LRRTM3: variants seen among roughly 807,000 people sequenced by gnomAD.
The protein encoded by LRRTM3 is leucine-rich repeat transmembrane neuronal protein 3.
A neutral mutation model predicts 44.7 loss-of-function variants in LRRTM3; 24 were observed. The ratio of observed to expected loss-of-function variants is 0.54; its 90% CI spans 0.39 to 0.76. The LOEUF (loss-of-function observed/expected upper bound fraction) is 0.76, where lower values mean the gene tolerates loss of function less well. Among genes scored for constraint, LRRTM3 ranks in the 30% least tolerant of loss-of-function variants. The pLI is 0.00. For synonymous variants in LRRTM3, 277 were observed against 278.7 expected (o/e 0.99, Z 0.06); for missense variants, 587 against 702.2 (o/e 0.84, Z 1.85).
At chr10:66,961,309 G>A (rs987952820) in intron 2 of LRRTM3, among the ~76,000 whole-genome samples, 1 of 151,988 alleles carries the variant, frequency 6.6e-6, no homozygotes, top group Non-Finnish European at 1.5e-5. Context: ...TACCAAAACT[G>A]CTCCCCTTAA....
At chr10:66,949,105 C>T (rs1188967205) in intron 2 of LRRTM3, among the ~76,000 whole-genome samples, 2 of 152,098 alleles carry the variant, frequency 1.3e-5, no homozygotes, top group African/African-American at 4.8e-5. Flanking sequence ...TGATAACATT[C>T]CTAAAGTATT....
intron 2 of LRRTM3, among the ~76,000 whole-genome samples, chr10:67,000,357 T>C (rs1166773767): frequency 1.3e-5 from 2 of 152,182 alleles, no homozygotes; most frequent in Admixed American, 6.5e-5. Flanking sequence ...AGACAGCTGA[T>C]GACGAAAGTT....
chr10:67,033,458 AG>A (rs1853856473), intron 2 of LRRTM3, among the ~76,000 whole-genome samples: 2 of 152,350 alleles, frequency 1.3e-5, no homozygotes, highest in African/African-American at 4.8e-5. Flanking sequence ...ATACTTGGTC[AG>A]AAAAAATTCA....
chr10:67,021,975 G>A (rs1203384877), intron 2 of LRRTM3, among the ~76,000 whole-genome samples: 2 of 152,156 alleles, frequency 1.3e-5, no homozygotes, highest in East Asian at 3.8e-4. Context: ...ATTCATGCCA[G>A]TTAAAGCAAA....
intron 2 of LRRTM3, among the ~76,000 whole-genome samples, chr10:67,016,343 T>A (rs575203197): frequency 6.6e-6 from 1 of 152,330 alleles, no homozygotes; most frequent in Admixed American, 6.5e-5. Flanking sequence ...TTTATTTTCT[T>A]AACATTGAAA....
chr10:66,943,337 T>A (rs767707620), intron 2 of LRRTM3, among the ~76,000 whole-genome samples: 53 of 151,976 alleles, frequency 3.5e-4, no homozygotes, highest in Non-Finnish European at 6.0e-4. Context: ...CTTATTAGAT[T>A]TTTTTTTACA....
At chr10:66,975,707 A>G (rs1349053694) in intron 2 of LRRTM3, among the ~76,000 whole-genome samples, 1 of 152,162 alleles carries the variant, frequency 6.6e-6, no homozygotes, top group Non-Finnish European at 1.5e-5. Context: ...CATCAAGCTA[A>G]GTTCGTCCTA....
chr10:67,007,881 G>A (rs1187783932), intron 2 of LRRTM3, among the ~76,000 whole-genome samples: 2 of 151,814 alleles, frequency 1.3e-5, no homozygotes, highest in Non-Finnish European at 2.9e-5. Flanking sequence ...ATATACAAAG[G>A]AAGCTACAGA....
At chr10:67,042,446 A>C (rs568169105) in intron 2 of LRRTM3, among the ~76,000 whole-genome samples, 1 of 152,304 alleles carries the variant, frequency 6.6e-6, no homozygotes, top group South Asian at 2.1e-4. Flanking sequence ...TGAGTTTTCC[A>C]TGTCTTCTAA....
intron 2 of LRRTM3, among the ~76,000 whole-genome samples, chr10:67,007,904 A>T (rs1386748996): frequency 6.6e-6 from 1 of 152,128 alleles, no homozygotes; most frequent in East Asian, 1.9e-4. Context: ...AAGAAAGGCC[A>T]ACAGGTAATG....
chr10:66,967,731 CATAAAG>C (rs961538285), intron 2 of LRRTM3, among the ~76,000 whole-genome samples: 13 of 151,974 alleles, frequency 8.6e-5, no homozygotes, highest in African/African-American at 2.9e-4. Flanking sequence ...AGGTGTGAAA[CATAAAG>C]ATAAGAGTGC....
chr10:67,061,956 A>G (rs949849219), intron 2 of LRRTM3, among the ~76,000 whole-genome samples: 2 of 111,636 alleles, frequency 1.8e-5, no homozygotes, highest in African/African-American at 3.6e-5. Flanking sequence ...ACTGTAAAAA[A>G]AATCAATCTT....
At chr10:67,072,150 TG>T (rs765012975) in intron 2 of LRRTM3, among the ~76,000 whole-genome samples, 6 of 152,082 alleles carry the variant, frequency 3.9e-5, no homozygotes, top group Non-Finnish European at 8.8e-5. Flanking sequence ...GATGGCTTTT[TG>T]CTATGTTGGT....
intron 2 of LRRTM3, among the ~76,000 whole-genome samples, chr10:66,979,815 G>T (rs781463854): frequency 3.9e-5 from 6 of 152,110 alleles, no homozygotes; most frequent in Non-Finnish European, 4.4e-5. Flanking sequence ...TGGAGAAAAG[G>T]TCCTTTGAAA....
chr10:67,058,126 A>G (rs1228324681), intron 2 of LRRTM3, among the ~76,000 whole-genome samples: 2 of 152,194 alleles, frequency 1.3e-5, no homozygotes, highest in Non-Finnish European at 2.9e-5. Flanking sequence ...ATGCAGTAAT[A>G]TATTTAATAC....
intron 2 of LRRTM3, among the ~76,000 whole-genome samples, chr10:66,963,229 C>T (rs1849217515): frequency 1.3e-5 from 2 of 152,160 alleles, no homozygotes. Flanking sequence ...CAAGGAGATG[C>T]TTCATTATGC....
In LRRTM3 at chr10:67,090,833, C is replaced by A. The variant is rs1021268729; in HGVS notation, c.1537-6754C>A. On this transcript the variant is annotated intron_variant, in intron 2 of 2. Coordinates refer to ENST00000361320, the MANE Select transcript of LRRTM3 (RefSeq NM_178011.5). ...AAATCCTAAAGAAACTAAGGTAGAACCTGCGGTAACATCTAGGCCGTCCCT... is the reference window on the plus strand; with the variant it reads ...AAATCCTAAAGAAACTAAGGTAGAAACTGCGGTAACATCTAGGCCGTCCCT... Among the ~76,000 whole-genome samples the A allele has an allele frequency of 4.6e-5, 7 of 152,112 alleles. No homozygotes were observed. The South Asian group carries it at 1.0e-3, about 23-fold the overall frequency.
intron 2 of LRRTM3, among the ~76,000 whole-genome samples, chr10:67,070,572 C>T (rs1230699762): frequency 6.6e-6 from 1 of 152,020 alleles, no homozygotes; most frequent in South Asian, 2.1e-4. Flanking sequence ...CATGGTGAAA[C>T]CCCATCTCTA....
intron 2 of LRRTM3, among the ~76,000 whole-genome samples, chr10:67,006,029 A>T (rs182163037): frequency 2.0e-5 from 3 of 152,006 alleles, no homozygotes; most frequent in African/African-American, 7.2e-5. Context: ...ATTATTCAGC[A>T]TCTTATCTCA....
Sources: gnomAD v4.1 joint callset for allele counts (sites outside exome capture counted in the v4.1 genomes callset) on GRCh38, gnomAD v4.1.1 for gene constraint, MANE v1.5 for transcripts, NCBI Gene and HGNC (gene_info 2026-07-23, HGNC 2026-07-21) for gene names.